The following COMP variants were observed in gnomAD, a reference collection of about 807,000 sequenced individuals.
The protein encoded by COMP is cartilage oligomeric matrix protein.
Under a neutral mutation model 95.8 loss-of-function variants are expected in COMP, and 79 were observed. The ratio of observed to expected loss-of-function variants is 0.82; its 90% CI spans 0.69 to 0.99. The LOEUF is 0.99. Among genes scored for constraint, COMP ranks in the 50% least tolerant of loss-of-function variants. The pLI is 0.00. For missense variants in COMP, 906 were observed against 1,076.1 expected, an observed-to-expected ratio of 0.84 and a Z score of 2.21; for synonymous variants, 438 against 433.9, an observed-to-expected ratio of 1.01 and a Z score of -0.12.
chr19:18,783,610 C>A (rs1343101452), intron 17 of COMP, among the ~76,000 whole-genome samples: 1 of 137,528 alleles, frequency 7.3e-6, no homozygotes, highest in South Asian at 2.3e-4. Flanking sequence ...CCATGCCTGG[C>A]ATTTTTTTTT....
At position 18,788,166 on chromosome 19, in the gene COMP, TG is replaced by T. The variant is rs778678338; in HGVS notation, c.975+45del. The T allele has an allele frequency of 1.3e-5, 20 of 1,516,366 alleles. No individual in the cohort carries two copies. The East Asian group carries it at 4.5e-4, about 34-fold the overall frequency. The allele number at this position is 1,516,366 out of a possible 1,614,324, so 93.9% of individuals were successfully genotyped here. On this transcript the variant is annotated intron_variant, in intron 9 of 18. Coordinates refer to ENST00000222271, the MANE Select transcript of COMP (RefSeq NM_000095.3). The surrounding 1 kb of genome is among the most constrained non-coding windows in gnomAD (Gnocchi z 4.7). ...ATCCGCCCGCCTCGGCCTCCCAAAG[TG>T]CTGGGATTACAGGAGTGAACCACCG... is the stretch of plus-strand genomic sequence containing the variant.
intron 11 of COMP, 36 bp downstream of exon 11, chr19:18,786,496 G>A: frequency 6.3e-7 from 1 of 1,590,704 alleles, no homozygotes. Flanking sequence ...AGTTCACCCA[G>A]AGGGCTTACC....
At position 18,788,771 on chromosome 19, in the gene COMP, G is replaced by A. The variant is rs201180564; in HGVS notation, c.604-21C>T. The A allele has an allele frequency of 5.6e-4, 901 of 1,599,030 alleles. 3 individuals carry two copies. Among genetic ancestry groups the A allele is most frequent in the Non-Finnish European group, 7.4e-4 (871 of 1,173,076 alleles). ...GAGCCCTGCGCCGGAGCCGCCGGAG[G>A]TCAGCGCAGGCCGCCCGCCGCTCGC... On this transcript the variant is annotated intron_variant, in intron 6 of 18. Transcript: ENST00000222271. The surrounding 1 kb of genome is among the most constrained non-coding windows in gnomAD (Gnocchi z 4.7).
At chr19:18,785,936 C>T (rs924124721) in intron 13 of COMP, 29 bp downstream of exon 13, 1 of 1,579,008 alleles carries the variant, frequency 6.3e-7, no homozygotes, top group African/African-American at 1.3e-5. Context: ...CTGGCCCCGC[C>T]CCCACCGCAG....
At chr19:18,790,979 A>G (rs2055209381) in intron 1 of COMP, 44 bp from the exon 2 acceptor site, 1 of 1,545,050 alleles carries the variant, frequency 6.5e-7, no homozygotes. Context: ...GGGCCGGGGA[A>G]TCCCACCACC....
rs769059709 is a variant in COMP, at chr19:18,788,952, A to C, written c.529-39T>G. 1 of 1,602,808 alleles carries C rather than the reference A, an allele frequency of 6.2e-7. No individual in the cohort carries two copies. Among genetic ancestry groups the C allele is most frequent in the Middle Eastern group, 1.8e-4 (1 of 5,408 alleles). ...ACTCAGAGGTCACCACCCCACGCAG[A>C]CACCTCCGGACCTCCCACCTCCTCC... is the stretch of plus-strand genomic sequence containing the variant. On this transcript the variant is annotated intron_variant, in intron 5 of 18. Transcript: ENST00000222271. This position sits in a 1 kb window ranked among gnomAD's most constrained non-coding sequence, Gnocchi z 4.7.
chr19:18,790,729 C>T, intron 2 of COMP, 116 bp from the exon 3 acceptor site: 2 of 1,608,798 alleles, frequency 1.2e-6, no homozygotes, highest in South Asian at 1.1e-5. Context: ...ACTCCCTACC[C>T]GCCGACCCCC....
At chr19:18,787,868 T>C (rs950450326) in intron 9 of COMP, among the ~76,000 whole-genome samples, 2 of 102,648 alleles carry the variant, frequency 1.9e-5, no homozygotes, top group Non-Finnish European at 4.0e-5. Context: ...CTTTTTCTCT[T>C]TCTTTCTTTC....
rs1205264773 is a variant in COMP at position 18,784,691 on chromosome 19, G to A, written c.1914+205C>T. 1.3e-5 allele frequency among the ~76,000 whole-genome samples: 2 copies of A among 152,114 alleles called. No homozygotes were observed. Among genetic ancestry groups the A allele is most frequent in the Non-Finnish European group, 2.9e-5 (2 of 68,030 alleles). On this transcript the variant is annotated intron_variant, in intron 16 of 18. Transcript: ENST00000222271. The surrounding 1 kb of genome is among the most constrained non-coding windows in gnomAD (Gnocchi z 4.9). ...AGGGTTTAGGGTCCATAGGAAGACT[G>A]GGGGGCCCTGAGAATGTTTGAGAAT...
chr19:18,785,243 C>T (rs897441064), intron 15 of COMP, 151 bp from the exon 16 acceptor site: 3 of 922,536 alleles, frequency 3.3e-6, no homozygotes, highest in African/African-American at 1.6e-5. Flanking sequence ...GCCACGCCCC[C>T]CATCTACCAT....
intron 3 of COMP, 115 bp from the exon 4 acceptor site, chr19:18,790,229 C>G: frequency 1.3e-6 from 1 of 790,382 alleles, no homozygotes; most frequent in East Asian, 2.9e-5. Flanking sequence ...CACCCCCCGC[C>G]CCGGGGCGGC....
rs895091947 is a variant in COMP, at chr19:18,784,705, ATGTT to A, written c.1914+187_1914+190del. Among the ~76,000 whole-genome samples the A allele has an allele frequency of 5.3e-5, 8 of 151,780 alleles. No individual in the cohort carries two copies. The highest frequency in any genetic ancestry group is 8.8e-5 in the Non-Finnish European group (6 of 67,978). On this transcript the variant is annotated intron_variant, in intron 16 of 18. Coordinates refer to ENST00000222271, the MANE Select transcript of COMP (RefSeq NM_000095.3). The surrounding 1 kb of genome is among the most constrained non-coding windows in gnomAD (Gnocchi z 4.9). ...ATAGGAAGACTGGGGGGCCCTGAGA[ATGTT>A]TGAGAATTTGTGCAAGGAACTGGGA...
rs1451106951 is a variant in COMP, at chr19:18,788,202, G to A, written c.975+10C>T. 1.2e-5 allele frequency: 20 copies of A among 1,609,892 alleles called. No individual in the cohort carries two copies. Among genetic ancestry groups the A allele is most frequent in the Admixed American group, 8.3e-5 (5 of 59,994 alleles). ...CAGGAGTGAACCACCGTGCCGAGCCGTAGATCTACCTTTTCATTGGGGACC... is the reference window on the plus strand; with the variant it reads ...CAGGAGTGAACCACCGTGCCGAGCCATAGATCTACCTTTTCATTGGGGACC... On this transcript the variant is annotated intron_variant, in intron 9 of 18. Coordinates refer to ENST00000222271, the MANE Select transcript of COMP (RefSeq NM_000095.3). This position sits in a 1 kb window ranked among gnomAD's most constrained non-coding sequence, Gnocchi z 4.7.
chr19:18,785,729 C>A lies in COMP; in HGVS notation c.1612G>T (p.Val538Leu). Residue 538 changes from valine to leucine, a missense_variant, in exon 14 of 19, where the codon GTG (valine) becomes TTG (leucine). Coordinates refer to ENST00000222271, the MANE Select transcript of COMP (RefSeq NM_000095.3). The part of the protein sequence containing the change: ...LTDFRAFQTV[V>L]LDPEGDAQID... Reference sequence around the variant, plus strand: ...TGCGCGTCACCCTCCGGGTCCAGCACGACTGTCTGGAAGGCCCTGAAGTCG... The same window carrying A: ...TGCGCGTCACCCTCCGGGTCCAGCAAGACTGTCTGGAAGGCCCTGAAGTCG... 1 of 1,613,536 alleles carries A rather than the reference C, an allele frequency of 6.2e-7. No homozygotes were observed. The highest frequency in any genetic ancestry group is 8.5e-7 in the Non-Finnish European group (1 of 1,180,032).
chr19:18,788,890 A>T lies in COMP; in HGVS notation c.552T>A (p.Cys184Ter). The T allele has an allele frequency of 6.2e-7, 1 of 1,613,852 alleles. No homozygotes were observed. Among genetic ancestry groups the T allele is most frequent in the Non-Finnish European group, 8.5e-7 (1 of 1,179,964 alleles). ...GGACGCAGTTATGTTGCCCGGTCTC[A>T]CACTCGTTGATGTCCGTGCAAACCT... ...NKQVCTDINE[C>*]ETGQHNCVPN... Residue 184 changes from cysteine (C) to a stop codon, truncating the protein, a stop_gained, in exon 6 of 19, where the codon TGT becomes TGA. Transcript: ENST00000222271. LOFTEE classifies it high-confidence loss of function. This position sits in a 1 kb window ranked among gnomAD's most constrained non-coding sequence, Gnocchi z 4.7.
At position 18,789,122 on chromosome 19, in the gene COMP, C is replaced by A; in HGVS notation, c.528+38G>T. 6.3e-7 allele frequency: 1 copy of A among 1,575,274 alleles called. No individual in the cohort carries two copies. ...TGGTAAACAAAATGGACGCCCCCTT[C>A]CCTTCTGCTCCAAAAATGGGGCCCC... On this transcript the variant is annotated intron_variant, in intron 5 of 18. Transcript: ENST00000222271. This position sits in a 1 kb window ranked among gnomAD's most constrained non-coding sequence, Gnocchi z 6.1.
At chr19:18,787,420 C>T (rs894526957) in intron 10 of COMP, 71 bp downstream of exon 10, 2 of 1,595,812 alleles carry the variant, frequency 1.3e-6, no homozygotes, top group African/African-American at 2.7e-5. Flanking sequence ...AGCCAAGCCC[C>T]GCCCCGGAGC....
At chr19:18,785,379 C>T in intron 15 of COMP, 119 bp downstream of exon 15, 1 of 831,602 alleles carries the variant, frequency 1.2e-6, no homozygotes, top group African/African-American at 1.8e-5. Context: ...CCCCGCCCTT[C>T]CTGAGCCCGG....
Position 18,789,230 on chromosome 19 carries a change from G to A in COMP, c.458C>T (p.Ala153Val). 1 of 1,532,996 alleles carries A rather than the reference G, an allele frequency of 6.5e-7. No homozygotes were observed. Among genetic ancestry groups the A allele is most frequent in the African/African-American group, 1.4e-5 (1 of 71,834 alleles). The allele number at this position is 1,532,996 out of a possible 1,614,324, so 95.0% of individuals were successfully genotyped here. ...GGGGCCGCTGTACCCCGGCGGGCAA[G>A]CCTCGCAGCGGAACCCCGGGCTGGT... ...INTSPGFRCEACPPGYSGPTH... is the reference protein window; with the variant it reads ...INTSPGFRCEVCPPGYSGPTH... Residue 153 changes from alanine (A) to valine (V), a missense_variant, in exon 5 of 19, where the codon GCT becomes GTT. Ala to Val is a moderately conservative substitution (Grantham distance 64, BLOSUM62 0). Transcript: ENST00000222271. This position sits in a 1 kb window ranked among gnomAD's most constrained non-coding sequence, Gnocchi z 6.1.
Sources: gnomAD v4.1 joint callset for allele counts (sites outside exome capture counted in the v4.1 genomes callset) on GRCh38, gnomAD v4.1.1 for gene constraint, Gnocchi (gnomAD v3.1) non-coding constraint, MANE v1.5 for transcripts, NCBI Gene and HGNC (gene_info 2026-07-23, HGNC 2026-07-21) for gene names.